INTS1: variants seen among roughly 807,000 people sequenced by gnomAD.
The protein encoded by INTS1 is integrator complex subunit 1.
A neutral mutation model predicts 241.6 loss-of-function variants in INTS1; 137 were observed. That is an observed-to-expected ratio of 0.57 (90% CI 0.49 to 0.65). The LOEUF (loss-of-function observed/expected upper bound fraction) is 0.65. Ranked by LOEUF, INTS1 falls within the 30% of genes least tolerant of loss-of-function variation. INTS1 has a pLI of 0.00. For synonymous variants in INTS1, 1,692 were observed against 1,337.8 expected, an observed-to-expected ratio of 1.26 and a Z score of -5.78; for missense variants, 3,073 against 3,032.2, an observed-to-expected ratio of 1.01 and a Z score of -0.32.
chr7:1,473,040 T>C (rs1432565011), intron 43 of INTS1, 32 bp downstream of exon 43: 1 of 1,466,592 alleles, frequency 6.8e-7, no homozygotes, highest in Admixed American at 1.8e-5. Flanking sequence ...GTTCCGCAGC[T>C]GCTTCCAGCA....
chr7:1,471,369 C>T (rs774466404), intron 45 of INTS1, 145 bp from the exon 46 acceptor site: 10 of 1,019,822 alleles, frequency 9.8e-6, no homozygotes, highest in Admixed American at 6.5e-5. Context: ...TGCCACTGGC[C>T]GGTCCCAGCC....
chr7:1,481,817 G>A lies in INTS1; in HGVS notation c.3704-329C>T, dbSNP rs897988175. On this transcript the variant is annotated intron_variant, in intron 27 of 47. Transcript: ENST00000404767. This position sits in a 1 kb window ranked among gnomAD's most constrained non-coding sequence, Gnocchi z 6.8. ...GGCTCGGTGACCCCACCCGAGACCTGGGGCCGCACAAGGGGGCAGCGTGTC... is the reference window on the plus strand; with the variant it reads ...GGCTCGGTGACCCCACCCGAGACCTAGGGCCGCACAAGGGGGCAGCGTGTC... 1.3e-5 allele frequency among the ~76,000 whole-genome samples: 2 copies of A among 152,062 alleles called. No individual in the cohort carries two copies. Among genetic ancestry groups the A allele is most frequent in the Admixed American group, 6.5e-5 (1 of 15,284 alleles).
At chr7:1,473,028 C>CT (rs779129527) in intron 43 of INTS1, 44 bp downstream of exon 43, 1 of 1,363,416 alleles carries the variant, frequency 7.3e-7, no homozygotes, top group Non-Finnish European at 1.0e-6. Context: ...CCCTGTAGGA[C>CT]TGTTCCGCAG....
chr7:1,472,637 C>T (rs555261876), intron 43 of INTS1, among the ~76,000 whole-genome samples: 3 of 152,276 alleles, frequency 2.0e-5, no homozygotes, highest in Admixed American at 6.5e-5. Context: ...GGGCACAAGA[C>T]GGGATGGCCC....
Position 1,496,243 on chromosome 7 carries a change from T to C in INTS1, c.1624A>G (p.Thr542Ala). Residue 542 changes from threonine to alanine, a missense_variant, in exon 12 of 48, where the codon ACC becomes GCC. Transcript: ENST00000404767. ...EFKERFVVHI[T>A]DVLAVSMMLG... is the part of the protein sequence containing the mutation. ...ATCATGGACACGGCCAGGACGTCGG[T>C]GATGTGCACCACGAAGCGCTCCTGC... 6.2e-7 allele frequency: 1 copy of C among 1,613,742 alleles called. No homozygotes were observed. Among genetic ancestry groups the C allele is most frequent in the Non-Finnish European group, 8.5e-7 (1 of 1,179,802 alleles).
rs1781698671 is a variant in INTS1, at chr7:1,476,038, C to A, written c.5412G>T (p.Leu1804=). 2 of 1,545,588 alleles carry A rather than the reference C, an allele frequency of 1.3e-6. No homozygotes were observed. The highest frequency in any genetic ancestry group is 1.7e-6 in the Non-Finnish European group (2 of 1,146,580). ...GCTCCGGCCGCTGTAGGTAGAGCTG[C>A]AGGAGAAGGTCTCGGCAGCGCCTGC... is the stretch of plus-strand genomic sequence containing the variant. ...VLGRRCRDLL[L]QLYLQRPELR... Residue 1804 remains leucine (L), a synonymous_variant, in exon 39 of 48, where the codon CTG becomes CTT. Transcript: ENST00000404767.
rs982126108 is a variant in INTS1, at chr7:1,495,336, T to C, written c.1832+97A>G. On this transcript the variant is annotated intron_variant, in intron 13 of 47. Coordinates refer to ENST00000404767, the MANE Select transcript of INTS1 (RefSeq NM_001080453.3). ...GGGCTGTGCGGGGCCTGGCTTGTCC[T>C]GGCTCAGTGGGGTTTGGGGCAGGGG... 2.9e-6 allele frequency: 4 copies of C among 1,401,788 alleles called. No individual in the cohort carries two copies. In the Admixed American group the frequency reaches 6.5e-5, roughly 23 times the overall value. 86.8% of individuals were successfully genotyped at this position (1,401,788 alleles called of 1,614,324 possible). A position where few individuals can be genotyped will look rare whatever the true frequency, so the allele number is the denominator to read the frequency against.
chr7:1,486,454 G>A (rs1049647126), intron 22 of INTS1, among the ~76,000 whole-genome samples, 171 bp downstream of exon 22: 2 of 150,166 alleles, frequency 1.3e-5, no homozygotes, highest in African/African-American at 2.4e-5. Flanking sequence ...TAATAGAGAC[G>A]GGATTTCACC....
At chr7:1,471,866 G>A in intron 44 of INTS1, 2 of 594,616 alleles carry the variant, frequency 3.4e-6, no homozygotes, top group Middle Eastern at 4.4e-4. Flanking sequence ...ACCCCTCACG[G>A]CAGCCCCATA....
At chr7:1,503,859 A>C (rs947002018) in intron 2 of INTS1, 44 bp downstream of exon 2, 4 of 1,367,376 alleles carry the variant, frequency 2.9e-6, no homozygotes, top group South Asian at 1.2e-5. Context: ...ACCCCCAAAG[A>C]CCCCCAAAGA....
chr7:1,481,311 G>A lies in INTS1; in HGVS notation c.3850+31C>T, dbSNP rs756434462. The stretch of plus-strand genomic sequence containing the variant: ...GGGCTGGGGCTCGGTCAGCGTGTGT[G>A]AACCCACTCCGCAGGTCCCTGGCAT... On this transcript the variant is annotated intron_variant, in intron 28 of 47. Coordinates refer to ENST00000404767, the MANE Select transcript of INTS1 (RefSeq NM_001080453.3). The surrounding 1 kb of genome is among the most constrained non-coding windows in gnomAD (Gnocchi z 6.8). 24 of 1,611,704 alleles carry A rather than the reference G, an allele frequency of 1.5e-5. No homozygotes were observed. In the African/African-American group the frequency reaches 3.1e-4, roughly 21 times the overall value.
chr7:1,486,719 G>A lies in INTS1; in HGVS notation c.2882C>T (p.Pro961Leu), dbSNP rs752135891. The change falls in exon 22 of 48, where the codon CCG (proline) becomes CTG (leucine). Residue 961 changes from proline (P) to leucine (L), a missense_variant. Coordinates refer to ENST00000404767, the MANE Select transcript of INTS1 (RefSeq NM_001080453.3). ...ACACGTGGTCTGCTCATCAGCCTTCGGGCCCAGTAGCAGGTCCTGCAGGCG... is the reference window on the plus strand; with the variant it reads ...ACACGTGGTCTGCTCATCAGCCTTCAGGCCCAGTAGCAGGTCCTGCAGGCG... ...LGRLQDLLLG[P>L]KADEQTTCEV... 3.7e-6 allele frequency: 6 copies of A among 1,612,638 alleles called. No homozygotes were observed. The highest frequency in any genetic ancestry group is 1.1e-5 in the South Asian group (1 of 91,080).
chr7:1,483,848 C>T lies in INTS1; in HGVS notation c.3435G>A (p.Glu1145=), dbSNP rs1489883365. Residue 1145 remains glutamate (E), a synonymous_variant, in exon 26 of 48, where the codon GAG becomes GAA. Transcript: ENST00000404767. ...KEGEEVYSWS[E]SQDQVFLRWS... ...AGCGTAGGAAGACCTGGTCCTGAGA[C>T]TCCGACTGTGGGAAAAGAGGTGGAG... 1 of 1,608,068 alleles carries T rather than the reference C, an allele frequency of 6.2e-7. No homozygotes were observed. Among genetic ancestry groups the T allele is most frequent in the African/African-American group, 1.3e-5 (1 of 74,968 alleles).
Position 1,481,617 on chromosome 7 carries a change from G to A in INTS1, c.3704-129C>T, listed in dbSNP as rs570364873. The A allele has an allele frequency of 1.1e-4, 86 of 814,778 alleles. 2 individuals are homozygous for A. Among genetic ancestry groups the A allele is most frequent in the South Asian group, 9.2e-4 (26 of 28,252 alleles). The allele number at this position is 814,778 out of a possible 1,614,324, so 50.5% of individuals were successfully genotyped here. On this transcript the variant is annotated intron_variant, in intron 27 of 47. Transcript: ENST00000404767. The surrounding 1 kb of genome is among the most constrained non-coding windows in gnomAD (Gnocchi z 6.8). ...CTGAGACCCTGGGCCACGTGGGCTC[G>A]GTGACCCCACCCAAGACCTGGGGCA... is the stretch of plus-strand genomic sequence containing the variant.
At position 1,483,855 on chromosome 7, in the gene INTS1, T is replaced by G. The variant is rs770569947; in HGVS notation, c.3430-2A>C. 1.2e-6 allele frequency: 2 copies of G among 1,607,404 alleles called. No individual in the cohort carries two copies. The highest frequency in any genetic ancestry group is 3.3e-5 in the Admixed American group (2 of 59,910). ...GAAGACCTGGTCCTGAGACTCCGAC[T>G]GTGGGAAAAGAGGTGGAGTCAGGCC... On this transcript the variant is annotated splice_acceptor_variant, in intron 25 of 47. Coordinates refer to ENST00000404767, the MANE Select transcript of INTS1 (RefSeq NM_001080453.3). LOFTEE classifies it high-confidence loss of function.
chr7:1,471,078 C>G (rs532175813), intron 46 of INTS1, 55 bp downstream of exon 46: 1 of 1,532,436 alleles, frequency 6.5e-7, no homozygotes, highest in East Asian at 2.5e-5. Flanking sequence ...AAGCGGTGAC[C>G]TGGGTTAGCA....
chr7:1,499,961 G>C lies in INTS1; in HGVS notation c.607C>G (p.Leu203Val). ...AGGTTACAGGCCAGCACAGACACCA[G>C]GCTGTTCCCCTTGGCCTTGAAGTTG... ...SINFKAKGNS[L>V]VSVLACNLLM... Residue 203 changes from leucine (L) to valine (V), a missense_variant, in exon 5 of 48, where the codon CTG (leucine) becomes GTG (valine). Physicochemically the swap from Leu to Val is conservative, Grantham distance 32. Coordinates refer to ENST00000404767, the MANE Select transcript of INTS1 (RefSeq NM_001080453.3). The C allele has an allele frequency of 6.2e-7, 1 of 1,613,724 alleles. No homozygotes were observed. Among genetic ancestry groups the C allele is most frequent in the Non-Finnish European group, 8.5e-7 (1 of 1,179,876 alleles).
intron 2 of INTS1, 54 bp downstream of exon 2, chr7:1,503,849 A>G: frequency 4.2e-6 from 5 of 1,193,078 alleles, no homozygotes; most frequent in Non-Finnish European, 6.0e-6. Flanking sequence ...ATCCCCAAAG[A>G]CCCCCAAAGA....
rs934665883 is a variant in INTS1 at position 1,493,187 on chromosome 7, G to C, written c.2069-81C>G. The C allele has an allele frequency of 4.1e-5, 46 of 1,134,168 alleles. No homozygotes were observed. The highest frequency in any genetic ancestry group is 5.3e-5 in the South Asian group (4 of 75,048). The allele number at this position is 1,134,168 out of a possible 1,614,324, so 70.3% of individuals were successfully genotyped here. A position where few individuals can be genotyped will look rare whatever the true frequency, so the allele number is the denominator to read the frequency against. ...GGCAGCGAGGGAACCGGCCCTGCTC[G>C]GGCCGCGTCGGGGTGGGGTGGGGGA... On this transcript the variant is annotated intron_variant, in intron 15 of 47. Coordinates refer to ENST00000404767, the MANE Select transcript of INTS1 (RefSeq NM_001080453.3). The surrounding 1 kb of genome is among the most constrained non-coding windows in gnomAD (Gnocchi z 5.3).
Sources: allele counts gnomAD v4.1 joint callset (sites outside exome capture counted in the v4.1 genomes callset), GRCh38; gene constraint gnomAD v4.1.1; non-coding constraint Gnocchi (gnomAD v3.1); transcripts MANE v1.5; gene names NCBI Gene and HGNC (gene_info 2026-07-23, HGNC 2026-07-21).